Variants in MIGA1 observed in about 807,000 individuals in gnomAD.
MIGA1 encodes the protein mitoguardin 1, also known as family with sequence similarity 73, member A.
A neutral mutation model predicts 82.0 loss-of-function variants in MIGA1; 58 were observed. That is an observed-to-expected ratio of 0.71 (90% CI 0.57 to 0.88). The LOEUF (loss-of-function observed/expected upper bound fraction) is 0.88. Among genes scored for constraint, MIGA1 ranks in the 40% least tolerant of loss-of-function variants. The probability of loss-of-function intolerance (pLI) is 0.00; values close to 1 mark genes in which losing one functional copy is unlikely to be tolerated. For missense variants in MIGA1, 751 were observed against 749.1 expected (o/e 1.00, Z -0.03); for synonymous variants, 249 against 253.6 (o/e 0.98, Z 0.17).
intron 14 of MIGA1, chr1:77,868,765 C>T (rs953590893): frequency 6.6e-6 from 1 of 152,128 alleles, no homozygotes; most frequent in African/African-American, 2.4e-5. Context: ...ATATGTAGAA[C>T]ATACTTTTTG....
At chr1:77,849,346 A>G (rs1032636973) in intron 8 of MIGA1, among the ~76,000 whole-genome samples, 2 of 152,174 alleles carry the variant, frequency 1.3e-5, no homozygotes, top group African/African-American at 4.8e-5. Context: ...ACAGTGAGCT[A>G]TGATCATACC....
chr1:77,785,305 A>T (rs1164539520), intron 2 of MIGA1, among the ~76,000 whole-genome samples: 3 of 152,100 alleles, frequency 2.0e-5, no homozygotes, highest in Non-Finnish European at 4.4e-5. Flanking sequence ...AAGGAGCTAC[A>T]GGCCCCATGC....
At chr1:77,866,527 T>G in intron 14 of MIGA1, 136 bp downstream of exon 14, 1 of 759,004 alleles carries the variant, frequency 1.3e-6, no homozygotes, top group South Asian at 1.5e-5. Context: ...GCTAGATGAG[T>G]GACTTACTGG....
chr1:77,849,126 G>A (rs185911594), intron 8 of MIGA1, among the ~76,000 whole-genome samples: 1 of 152,308 alleles, frequency 6.6e-6, no homozygotes, highest in East Asian at 1.9e-4. Flanking sequence ...TTGGCCAGAT[G>A]TGGTAGCTCG....
intron 10 of MIGA1, 57 bp downstream of exon 10, chr1:77,859,443 T>A: frequency 8.7e-7 from 1 of 1,151,302 alleles, no homozygotes; most frequent in Non-Finnish European, 1.3e-6. Flanking sequence ...CCTCATGCTG[T>A]AGAGTCCAGT....
At chr1:77,841,335 A>G (rs1684619098) in intron 7 of MIGA1, among the ~76,000 whole-genome samples, 1 of 151,762 alleles carries the variant, frequency 6.6e-6, no homozygotes, top group Non-Finnish European at 1.5e-5. Flanking sequence ...CTCACCAAAC[A>G]TAAAGTAGGA....
chr1:77,811,094 C>A, intron 5 of MIGA1: 1 of 1,608,934 alleles, frequency 6.2e-7, no homozygotes, highest in Non-Finnish European at 8.5e-7. Context: ...AATTTTTCAA[C>A]ATGCTTCTGG....
At chr1:77,870,929 A>T (rs1007225533) in intron 14 of MIGA1, among the ~76,000 whole-genome samples, 7 of 150,740 alleles carry the variant, frequency 4.6e-5, no homozygotes, top group Admixed American at 1.3e-4. Context: ...CAAAAAAAAA[A>T]ACGAAAACCA....
At chr1:77,870,177 G>A (rs1262259683) in intron 14 of MIGA1, among the ~76,000 whole-genome samples, 6 of 97,284 alleles carry the variant, frequency 6.2e-5, no homozygotes, top group South Asian at 4.8e-4. Context: ...GGGCAGAGGA[G>A]CCCCTCACCT....
At chr1:77,820,435 T>C (rs946341611) in intron 7 of MIGA1, among the ~76,000 whole-genome samples, 1 of 152,170 alleles carries the variant, frequency 6.6e-6, no homozygotes, top group Non-Finnish European at 1.5e-5. Context: ...ATAAAACCTG[T>C]CTAAGCCTTG....
intron 5 of MIGA1, chr1:77,811,441 G>C: frequency 6.4e-7 from 1 of 1,552,278 alleles, no homozygotes; most frequent in Non-Finnish European, 8.9e-7. Flanking sequence ...TAATGGGACA[G>C]GCTGAACATC....
chr1:77,840,584 G>C (rs1376924120), intron 7 of MIGA1, among the ~76,000 whole-genome samples: 1 of 152,084 alleles, frequency 6.6e-6, no homozygotes, highest in Non-Finnish European at 1.5e-5. Context: ...AGGCGGAGGC[G>C]GGCGGGTCAC....
At chr1:77,858,564 C>A (rs1685347657) in intron 8 of MIGA1, among the ~76,000 whole-genome samples, 1 of 151,958 alleles carries the variant, frequency 6.6e-6, no homozygotes, top group Admixed American at 6.6e-5. Flanking sequence ...TATTTTCTTT[C>A]CTTTATAGTT....
chr1:77,830,953 CACTT>C (rs1377559907), intron 7 of MIGA1, among the ~76,000 whole-genome samples: 1 of 152,170 alleles, frequency 6.6e-6, no homozygotes, highest in Non-Finnish European at 1.5e-5. Flanking sequence ...GGGTAACTAA[CACTT>C]ACACTTATGG....
At chr1:77,826,703 G>A (rs1164353702) in intron 7 of MIGA1, among the ~76,000 whole-genome samples, 1 of 152,050 alleles carries the variant, frequency 6.6e-6, no homozygotes, top group African/African-American at 2.4e-5. Context: ...TCGAGCTCCT[G>A]GGCTCAGGCA....
intron 7 of MIGA1, among the ~76,000 whole-genome samples, chr1:77,827,669 GA>G: frequency 6.6e-6 from 1 of 152,224 alleles, no homozygotes; most frequent in East Asian, 1.9e-4. Flanking sequence ...CCTTTCTCTA[GA>G]AAGTCTGCGA....
intron 7 of MIGA1, among the ~76,000 whole-genome samples, chr1:77,823,252 T>C (rs563359852): frequency 2.2e-4 from 33 of 152,198 alleles, no homozygotes; most frequent in African/African-American, 7.5e-4. Context: ...AACTTCTGAG[T>C]TATCAGTATT....
chr1:77,803,974 A>T (rs1407547387), intron 4 of MIGA1, among the ~76,000 whole-genome samples: 1 of 152,178 alleles, frequency 6.6e-6, no homozygotes, highest in Non-Finnish European at 1.5e-5. Flanking sequence ...TGGATACCCC[A>T]TTTACCCTGA....
chr1:77,853,423 A>G, intron 8 of MIGA1: 1 of 161,402 alleles, frequency 6.2e-6, no homozygotes, highest in Non-Finnish European at 1.4e-5. Context: ...GTGCTGCAGA[A>G]ACTACAACCA....
Sources: allele counts gnomAD v4.1 joint callset (sites outside exome capture counted in the v4.1 genomes callset), GRCh38; gene constraint gnomAD v4.1.1; transcripts MANE v1.5; gene names NCBI Gene and HGNC (gene_info 2026-07-23, HGNC 2026-07-21).